MCF2L: variants seen among roughly 807,000 people sequenced by gnomAD.
MCF2L encodes MCF.2 cell line derived transforming sequence like, also known as guanine nucleotide exchange factor DBS.
Under a neutral mutation model 153.4 loss-of-function variants are expected in MCF2L, and 97 were observed. The observed-to-expected ratio is 0.63, with a 90% CI of 0.54 to 0.75. The LOEUF (loss-of-function observed/expected upper bound fraction) is 0.75, where lower values mean the gene tolerates loss of function less well. Among genes scored for constraint, MCF2L ranks in the 30% least tolerant of loss-of-function variants. The pLI is 0.00. For synonymous variants in MCF2L, 659 were observed against 632.2 expected, an observed-to-expected ratio of 1.04 and a Z score of -0.64; for missense variants, 1,347 against 1,495.2, an observed-to-expected ratio of 0.90 and a Z score of 1.64.
Position 113,054,555 on chromosome 13 carries a change from A to T in MCF2L, c.370-6038A>T, listed in dbSNP as rs1244238506. On this transcript the variant is annotated intron_variant, in intron 4 of 29. Transcript: ENST00000535094. This position sits in a 1 kb window ranked among gnomAD's most constrained non-coding sequence, Gnocchi z 5.2. Reference sequence around the variant, plus strand: ...TTTCAAATGCATATTTTTTATATAAACTTGTGTTTACTGTTTGGCTACTGT... The same window carrying T: ...TTTCAAATGCATATTTTTTATATAATCTTGTGTTTACTGTTTGGCTACTGT... 1 of 153,722 alleles carries T rather than the reference A, an allele frequency of 6.5e-6. No individual in the cohort carries two copies. Among genetic ancestry groups the T allele is most frequent in the Non-Finnish European group, 1.5e-5 (1 of 68,038 alleles). The allele number at this position is 153,722 out of a possible 1,614,324, so 9.5% of individuals were successfully genotyped here. A position where few individuals can be genotyped will look rare whatever the true frequency, so the allele number is the denominator to read the frequency against.
At chr13:113,090,203 C>T (rs1240669283) in intron 26 of MCF2L, 28 of 1,490,172 alleles carry the variant, frequency 1.9e-5, no homozygotes, top group African/African-American at 5.6e-5. Flanking sequence ...ACCGTGGTGG[C>T]GTCTGTCATG....
chr13:112,937,211 G>A (rs11617100), intron 2 of MCF2L, among the ~76,000 whole-genome samples: 28,516 of 151,802 alleles, frequency 0.19, 2,744 homozygotes, highest in Admixed American at 0.22. Context: ...CTGCCACCAC[G>A]CCCAGCTAAT....
At chr13:113,026,623 G>A (rs1456822420) in intron 3 of MCF2L, among the ~76,000 whole-genome samples, 3 of 152,212 alleles carry the variant, frequency 2.0e-5, no homozygotes, top group Non-Finnish European at 4.4e-5. Context: ...ATGCCGAGGA[G>A]CCCATCTGCA....
intron 17 of MCF2L, among the ~76,000 whole-genome samples, chr13:113,083,598 G>T (rs1421028671): frequency 6.6e-6 from 1 of 152,232 alleles, no homozygotes; most frequent in African/African-American, 2.4e-5. Context: ...GAGCCTGGGG[G>T]CGGCGCTGCC....
At chr13:113,094,030 GGGACC>G (rs2142122396) in intron 26 of MCF2L, 1 of 152,622 alleles carries the variant, frequency 6.6e-6, no homozygotes. Flanking sequence ...CTTGCCAGTG[GGGACC>G]ACAGCCCTCG....
At chr13:113,007,189 G>A (rs560393050) in intron 1 of MCF2L, among the ~76,000 whole-genome samples, 7 of 152,338 alleles carry the variant, frequency 4.6e-5, no homozygotes, top group Non-Finnish European at 4.4e-5. Flanking sequence ...TCCAGGGTCC[G>A]TGCAGAGCCC....
intron 2 of MCF2L, among the ~76,000 whole-genome samples, chr13:112,933,853 A>G (rs1283924831): frequency 6.6e-6 from 1 of 152,232 alleles, no homozygotes; most frequent in Non-Finnish European, 1.5e-5. Context: ...ACATTTCTTA[A>G]CAGATGCCTG....
At chr13:113,095,850 G>A (rs2035601986) in intron 27 of MCF2L, 1 of 979,096 alleles carries the variant, frequency 1.0e-6, no homozygotes, top group Non-Finnish European at 1.2e-6. Context: ...AGCATCCGCT[G>A]TGTGCCAGGC....
In MCF2L at chr13:113,087,224, C is replaced by T. The variant is rs2034721194; in HGVS notation, c.2374-11C>T. On this transcript the variant is annotated splice_polypyrimidine_tract_variant and intron_variant, in intron 21 of 29. Coordinates refer to ENST00000535094, the MANE Select transcript of MCF2L (RefSeq NM_001112732.3). ...CCCGTCCTGAACACAGCCCTGCTGT[C>T]GCACATTTAGGGGAATCTCGGCGAC... 5 of 1,607,776 alleles carry T rather than the reference C, an allele frequency of 3.1e-6. No homozygotes were observed. The highest frequency in any genetic ancestry group is 1.3e-5 in the African/African-American group (1 of 74,820).
intron 1 of MCF2L, among the ~76,000 whole-genome samples, chr13:113,006,449 G>A (rs2083701191): frequency 6.6e-6 from 1 of 152,222 alleles, no homozygotes; most frequent in South Asian, 2.1e-4. Flanking sequence ...CGGGAGCACA[G>A]GGTGGTCCTC....
At chr13:113,008,375 C>T (rs2083853610) in intron 1 of MCF2L, among the ~76,000 whole-genome samples, 1 of 152,228 alleles carries the variant, frequency 6.6e-6, no homozygotes, top group Non-Finnish European at 1.5e-5. Flanking sequence ...CCCTGGACTC[C>T]AGCAGTCACC....
At chr13:113,001,962 C>CT in intron 1 of MCF2L, 1 of 1,591,882 alleles carries the variant, frequency 6.3e-7, no homozygotes, top group Non-Finnish European at 8.5e-7. Context: ...GGCGCTGTGG[C>CT]TGCTGCTGAA....
In MCF2L at chr13:113,096,956, G is replaced by C; in HGVS notation, c.*97G>C. The C allele has an allele frequency of 2.2e-6, 2 of 899,018 alleles. No homozygotes were observed. The allele number at this position is 899,018 out of a possible 1,614,324, so 55.7% of individuals were successfully genotyped here. ...CGCCCCGAGGAAGGGGCACCTCACCGCCCCCACCCAGAGCGCCTGGCCGTG... is the reference window on the plus strand; with the variant it reads ...CGCCCCGAGGAAGGGGCACCTCACCCCCCCCACCCAGAGCGCCTGGCCGTG... On this transcript the variant is annotated 3_prime_UTR_variant, in exon 30 of 30. Coordinates refer to ENST00000535094, the MANE Select transcript of MCF2L (RefSeq NM_001112732.3).
intron 2 of MCF2L, among the ~76,000 whole-genome samples, chr13:112,961,948 C>T (rs1035856364): frequency 4.6e-5 from 7 of 152,188 alleles, no homozygotes; most frequent in African/African-American, 9.7e-5. Context: ...TTTCTGCCTG[C>T]GCCAGCTTCT....
At chr13:113,069,684 C>T (rs1157320793) in intron 8 of MCF2L, among the ~76,000 whole-genome samples, 1 of 152,234 alleles carries the variant, frequency 6.6e-6, no homozygotes, top group Non-Finnish European at 1.5e-5. Context: ...CGAGACTGCA[C>T]CACTGCACCC....
At chr13:113,052,716 A>AG (rs2087434466) in intron 4 of MCF2L, 1 of 152,252 alleles carries the variant, frequency 6.6e-6, no homozygotes. Context: ...TCTCACAGTG[A>AG]ACAAACCTCA....
intron 1 of MCF2L, among the ~76,000 whole-genome samples, chr13:112,972,285 G>T (rs1308888886): frequency 6.6e-6 from 1 of 150,760 alleles, no homozygotes; most frequent in African/African-American, 2.4e-5. Flanking sequence ...GAATGTAGGG[G>T]TGGATGAATG....
At chr13:113,024,845 G>A (rs2085125323) in intron 3 of MCF2L, 87 bp downstream of exon 3, 2 of 1,023,424 alleles carry the variant, frequency 2.0e-6, no homozygotes, top group Admixed American at 3.7e-5. Context: ...TGCAACTATG[G>A]GATGAGGCAG....
At chr13:113,041,760 T>C (rs1265829329) in intron 3 of MCF2L, among the ~76,000 whole-genome samples, 2 of 151,546 alleles carry the variant, frequency 1.3e-5, no homozygotes, top group African/African-American at 4.9e-5. Context: ...GGGCCCTGCA[T>C]AGGGGGCAAG....
Sources: gnomAD v4.1 joint callset for allele counts (sites outside exome capture counted in the v4.1 genomes callset) on GRCh38, gnomAD v4.1.1 for gene constraint, Gnocchi (gnomAD v3.1) non-coding constraint, MANE v1.5 for transcripts, NCBI Gene and HGNC (gene_info 2026-07-23, HGNC 2026-07-21) for gene names.